STK3: variants seen among roughly 807,000 people sequenced by gnomAD.
STK3 encodes serine/threonine kinase 3.
STK3 carries 41 observed loss-of-function variants against 58.0 expected under a neutral mutation model. The observed-to-expected ratio is 0.71, with a 90% confidence interval of 0.55 to 0.92. STK3 has a LOEUF of 0.92. STK3 is among the 40% of genes least tolerant of loss of function. The pLI is 0.00. For synonymous variants in STK3, 170 were observed against 191.0 expected (o/e 0.89, Z 0.91); for missense variants, 479 against 602.7 (o/e 0.79, Z 2.15).
chr8:98,526,669 G>T, intron 10 of STK3, 73 bp downstream of exon 10: 1 of 1,310,308 alleles, frequency 7.6e-7, no homozygotes, highest in Non-Finnish European at 1.0e-6. Flanking sequence ...ATATACATAT[G>T]AACTATGCTT....
At position 98,825,592 on chromosome 8, in the gene STK3, G is replaced by T; in HGVS notation, c.-52C>A. 7.1e-7 allele frequency: 1 copy of T among 1,403,204 alleles called. No homozygotes were observed. Among genetic ancestry groups the T allele is most frequent in the Non-Finnish European group, 9.3e-7 (1 of 1,071,778 alleles). The allele number at this position is 1,403,204 out of a possible 1,614,324, so 86.9% of individuals were successfully genotyped here. ...TGGTGGACGGCGAAGGCCGAAAGGA[G>T]GAAAGGAGCCGGGGCACCGGCCGGC... On this transcript the variant is annotated 5_prime_UTR_variant, in exon 1 of 11. Transcript: ENST00000419617.
chr8:98,440,235 C>A (rs16896998), intron 1 of STK3, among the ~76,000 whole-genome samples: 3,104 of 152,250 alleles, frequency 0.02, 125 homozygotes, highest in African/African-American at 0.072. Context: ...ACCAGAGGCC[C>A]TGAGAGCCCC....
At chr8:98,493,003 G>A (rs537201992) in intron 10 of STK3, among the ~76,000 whole-genome samples, 1 of 152,128 alleles carries the variant, frequency 6.6e-6, no homozygotes, top group South Asian at 2.1e-4. Flanking sequence ...GGCCAAGGCG[G>A]GAGGATTGCC....
At chr8:98,503,645 T>G (rs1563675039) in intron 10 of STK3, among the ~76,000 whole-genome samples, 1 of 152,202 alleles carries the variant, frequency 6.6e-6, no homozygotes, top group African/African-American at 2.4e-5. Flanking sequence ...ATTTCTGCCT[T>G]CATTTCGTTA....
At chr8:98,918,559 T>G (rs1241214070) in intron 1 of STK3, among the ~76,000 whole-genome samples, 2 of 152,102 alleles carry the variant, frequency 1.3e-5, no homozygotes, top group East Asian at 1.9e-4. Flanking sequence ...CGCTTGAGCC[T>G]AGAAGTTTGA....
In STK3 at chr8:98,636,915, C is replaced by T. The variant is rs999331332; in HGVS notation, c.685-40746G>A. On this transcript the variant is annotated intron_variant, in intron 6 of 10. Coordinates refer to ENST00000419617, the MANE Select transcript of STK3 (RefSeq NM_006281.4). ...AAAATAGCATTTGAAAATGTCCTTG[C>T]AATATTGGTCATGATAAAGGTAAAA... 2.0e-5 allele frequency among the ~76,000 whole-genome samples: 3 copies of T among 151,990 alleles called. No homozygotes were observed. The East Asian group carries it at 5.8e-4, about 29-fold the overall frequency.
chr8:98,630,767 AGAAGAAGAAGAG>A (rs1390236725), intron 6 of STK3, among the ~76,000 whole-genome samples: 1 of 151,150 alleles, frequency 6.6e-6, no homozygotes, highest in Non-Finnish European at 1.5e-5. Context: ...GAGAAGAACA[AGAAGAAGAAGAG>A]GAAGAGGAAG....
intron 6 of STK3, among the ~76,000 whole-genome samples, chr8:98,659,736 T>G (rs975590631): frequency 6.6e-6 from 1 of 151,894 alleles, no homozygotes; most frequent in Admixed American, 6.6e-5. Flanking sequence ...AGAAAACTAA[T>G]AAAATAACTC....
intron 1 of STK3, among the ~76,000 whole-genome samples, chr8:98,791,635 G>T (rs1832810454): frequency 6.6e-6 from 1 of 152,128 alleles, no homozygotes; most frequent in Admixed American, 6.6e-5. Flanking sequence ...ATGGACCAAT[G>T]GAACAGAAAG....
At chr8:98,726,163 CCTGA>C (rs1317366488) in intron 4 of STK3, among the ~76,000 whole-genome samples, 1 of 152,040 alleles carries the variant, frequency 6.6e-6, no homozygotes, top group African/African-American at 2.4e-5. Context: ...TGAAGGTGGG[CCTGA>C]CTGACGAAAG....
chr8:98,469,936 C>T (rs908192072), intron 10 of STK3, among the ~76,000 whole-genome samples: 1 of 152,096 alleles, frequency 6.6e-6, no homozygotes, highest in Non-Finnish European at 1.5e-5. Flanking sequence ...AGAGCTTATC[C>T]ACTGGATAAT....
intron 6 of STK3, among the ~76,000 whole-genome samples, chr8:98,623,792 A>G (rs1283029950): frequency 6.6e-6 from 1 of 152,118 alleles, no homozygotes; most frequent in East Asian, 1.9e-4. Flanking sequence ...TCAAACAAAA[A>G]CAAAAACCCA....
chr8:98,786,659 A>G (rs1832477658), intron 1 of STK3, among the ~76,000 whole-genome samples: 1 of 152,242 alleles, frequency 6.6e-6, no homozygotes, highest in Admixed American at 6.5e-5. Context: ...GATCAAACCT[A>G]TAAATTATTA....
chr8:98,795,025 G>A (rs1000421555), intron 1 of STK3, among the ~76,000 whole-genome samples: 96 of 125,194 alleles, frequency 7.7e-4, no homozygotes, highest in African/African-American at 2.8e-3. Context: ...ACGAGATCGC[G>A]CCATTGCACT....
At chr8:98,382,756 T>C (rs543268955) in intron 1 of STK3, among the ~76,000 whole-genome samples, 1 of 152,088 alleles carries the variant, frequency 6.6e-6, no homozygotes. Flanking sequence ...AGCGGCCACA[T>C]GACTGAGGGG....
At chr8:98,708,695 G>A (rs1826151362) in intron 4 of STK3, among the ~76,000 whole-genome samples, 2 of 152,180 alleles carry the variant, frequency 1.3e-5, no homozygotes, top group South Asian at 4.1e-4. Flanking sequence ...GTAAGGTAGT[G>A]TGATATTATG....
intron 4 of STK3, 107 bp downstream of exon 4, chr8:98,749,169 T>C: frequency 1.2e-6 from 1 of 818,862 alleles, no homozygotes; most frequent in East Asian, 2.7e-5. Context: ...TTAAAACCTT[T>C]TCTTTTTTCA....
chr8:98,572,356 G>T (rs1813036228), intron 8 of STK3, among the ~76,000 whole-genome samples: 1 of 152,014 alleles, frequency 6.6e-6, no homozygotes, highest in Non-Finnish European at 1.5e-5. Context: ...AGTCAAAAAT[G>T]AATGTAAATT....
chr8:98,737,013 G>A (rs745888845), intron 4 of STK3, among the ~76,000 whole-genome samples: 10 of 152,170 alleles, frequency 6.6e-5, no homozygotes, highest in Non-Finnish European at 1.3e-4. Flanking sequence ...ACAGGATTAT[G>A]CTGTCACAAC....
Sources: allele counts gnomAD v4.1 joint callset (sites outside exome capture counted in the v4.1 genomes callset), GRCh38; gene constraint gnomAD v4.1.1; transcripts MANE v1.5; gene names NCBI Gene and HGNC (gene_info 2026-07-23, HGNC 2026-07-21).